Variants in XKR6 observed in about 807,000 individuals in gnomAD.
The protein encoded by XKR6 is XK related 6.
Under a neutral mutation model 56.7 loss-of-function variants are expected in XKR6, and 22 were observed. The observed-to-expected ratio is 0.39, with a 90% confidence interval of 0.28 to 0.55. The LOEUF (loss-of-function observed/expected upper bound fraction) is 0.55. XKR6 is among the 20% of genes least tolerant of loss of function. The pLI, the probability that XKR6 is intolerant of heterozygous loss-of-function variation, is 0.66. For synonymous variants in XKR6, 524 were observed against 387.8 expected (o/e 1.35, Z -4.13); for missense variants, 852 against 889.0 (o/e 0.96, Z 0.53).
In XKR6 at chr8:11,201,489, C is replaced by T. The variant is rs1804245049; in HGVS notation, c.-150G>A. 6 of 565,992 alleles carry T rather than the reference C, an allele frequency of 1.1e-5. No individual in the cohort carries two copies. Among genetic ancestry groups the T allele is most frequent in the South Asian group, 4.2e-5 (2 of 47,536 alleles). The allele number at this position is 565,992 out of a possible 1,614,324, so 35.1% of individuals were successfully genotyped here. On this transcript the variant is annotated 5_prime_UTR_variant, in exon 1 of 3. Transcript: ENST00000416569. ...GCAAACGAACGAGGGGGGAGTGGGC[C>T]AGGGAACCCCCTCCGCTTCCGGGTA...
chr8:11,109,959 T>A (rs1798824860), intron 1 of XKR6, among the ~76,000 whole-genome samples: 1 of 152,132 alleles, frequency 6.6e-6, no homozygotes, highest in Non-Finnish European at 1.5e-5. Flanking sequence ...ACCTACTTAA[T>A]GTTGTTTTTT....
chr8:11,093,030 TTTTCTC>T (rs2129173318), intron 1 of XKR6, among the ~76,000 whole-genome samples: 2 of 131,704 alleles, frequency 1.5e-5, no homozygotes, highest in East Asian at 3.9e-4. Flanking sequence ...TTCTTTTTTC[TTTTCTC>T]TTTCTTTCTC....
At chr8:11,048,560 C>T (rs1586475679) in intron 1 of XKR6, among the ~76,000 whole-genome samples, 1 of 152,300 alleles carries the variant, frequency 6.6e-6, no homozygotes, top group East Asian at 1.9e-4. Context: ...GTCTGAGTGC[C>T]TCGGCGAAAC....
chr8:11,199,956 G>A (rs1328657111), intron 1 of XKR6, among the ~76,000 whole-genome samples: 3 of 151,316 alleles, frequency 2.0e-5, no homozygotes, highest in Non-Finnish European at 2.9e-5. Flanking sequence ...AAAAGGACAC[G>A]TCTAATCCAG....
chr8:10,965,659 G>A (rs1415191199), intron 1 of XKR6, among the ~76,000 whole-genome samples: 9 of 152,226 alleles, frequency 5.9e-5, no homozygotes, highest in Non-Finnish European at 1.5e-5. Context: ...AAGGCTTGGT[G>A]CCCGGAAGCG....
chr8:10,997,773 A>G (rs1798147611), intron 1 of XKR6, among the ~76,000 whole-genome samples: 1 of 152,164 alleles, frequency 6.6e-6, no homozygotes, highest in South Asian at 2.1e-4. Context: ...AGCAGGAGCT[A>G]AACAAAGCTG....
intron 1 of XKR6, among the ~76,000 whole-genome samples, chr8:11,014,230 C>G (rs1376277393): frequency 6.6e-6 from 1 of 152,214 alleles, no homozygotes; most frequent in Non-Finnish European, 1.5e-5. Flanking sequence ...CCTATGTAAT[C>G]TCAATCTTTA....
At chr8:11,107,793 G>C (rs1288360852) in intron 1 of XKR6, 1 of 155,248 alleles carries the variant, frequency 6.4e-6, no homozygotes, top group African/African-American at 2.4e-5. Context: ...GAATGTTTGC[G>C]AGGTGAGAGT....
chr8:10,906,781 C>T (rs1800199971), intron 2 of XKR6, among the ~76,000 whole-genome samples: 1 of 152,184 alleles, frequency 6.6e-6, no homozygotes, highest in South Asian at 2.1e-4. Context: ...CGCTTGTAAT[C>T]CCAGCACTTT....
intron 1 of XKR6, among the ~76,000 whole-genome samples, chr8:11,096,082 T>C (rs1798255735): frequency 6.6e-6 from 1 of 152,190 alleles, no homozygotes; most frequent in African/African-American, 2.4e-5. Flanking sequence ...TGAGGGAAAA[T>C]ATATGTACCA....
At chr8:11,169,545 T>C (rs1240829801) in intron 1 of XKR6, among the ~76,000 whole-genome samples, 1 of 152,098 alleles carries the variant, frequency 6.6e-6, no homozygotes, top group Non-Finnish European at 1.5e-5. Context: ...GAAGGACAAA[T>C]ATCATACAAT....
rs541037658 is a variant in XKR6 at position 11,003,585 on chromosome 8, C to T, written c.765-78755G>A. Among the ~76,000 whole-genome samples, 3 of 152,224 alleles carry T rather than the reference C, an allele frequency of 2.0e-5. No individual in the cohort carries two copies. The South Asian group carries it at 6.2e-4, about 32-fold the overall frequency. ...TACTGGGGAATACATTGTCTTTAAT[C>T]CTCAAATAATCCTTTTAAAGTAGGA... On this transcript the variant is annotated intron_variant, in intron 1 of 2. Coordinates refer to ENST00000416569, the MANE Select transcript of XKR6 (RefSeq NM_173683.4).
At chr8:10,921,875 C>T (rs1800732593) in intron 2 of XKR6, among the ~76,000 whole-genome samples, 1 of 152,190 alleles carries the variant, frequency 6.6e-6, no homozygotes. Context: ...TGAAGGTGTC[C>T]CCTCCAAAGT....
intron 1 of XKR6, among the ~76,000 whole-genome samples, chr8:11,056,730 G>A (rs2129161998): frequency 6.6e-6 from 1 of 152,332 alleles, no homozygotes; most frequent in East Asian, 1.9e-4. Flanking sequence ...TACCCTGTGT[G>A]ACCCCACTAC....
At chr8:11,145,130 T>C (rs1275478864) in intron 1 of XKR6, among the ~76,000 whole-genome samples, 1 of 152,026 alleles carries the variant, frequency 6.6e-6, no homozygotes, top group Non-Finnish European at 1.5e-5. Flanking sequence ...CCAAAACATT[T>C]TGAGCAACGA....
At chr8:11,035,824 G>A (rs1003662613) in intron 1 of XKR6, among the ~76,000 whole-genome samples, 8 of 151,952 alleles carry the variant, frequency 5.3e-5, no homozygotes, top group African/African-American at 1.7e-4. Flanking sequence ...AAATGCCACA[G>A]GTCTGATTTT....
chr8:10,905,094 C>T (rs1800150370), intron 2 of XKR6, among the ~76,000 whole-genome samples: 1 of 152,152 alleles, frequency 6.6e-6, no homozygotes, highest in African/African-American at 2.4e-5. Context: ...AGCGGGTAGC[C>T]AGGGTCAAGG....
chr8:11,013,193 C>A (rs770904529), intron 1 of XKR6, among the ~76,000 whole-genome samples: 6 of 152,214 alleles, frequency 3.9e-5, no homozygotes, highest in Non-Finnish European at 7.3e-5. Context: ...CCATCTATAT[C>A]TTCATTGTAC....
At chr8:11,015,860 G>T (rs912996938) in intron 1 of XKR6, among the ~76,000 whole-genome samples, 11 of 152,210 alleles carry the variant, frequency 7.2e-5, no homozygotes, top group Admixed American at 3.3e-4. Flanking sequence ...GCTCGCCGGG[G>T]AAGTGCTGTG....
Sources: gnomAD v4.1 joint callset for allele counts (sites outside exome capture counted in the v4.1 genomes callset) on GRCh38, gnomAD v4.1.1 for gene constraint, MANE v1.5 for transcripts, NCBI Gene and HGNC (gene_info 2026-07-23, HGNC 2026-07-21) for gene names.